CEP112: variants seen among roughly 807,000 people sequenced by gnomAD.
CEP112 encodes centrosomal protein 112, also known as centrosomal protein of 112 kDa.
A neutral mutation model predicts 153.0 loss-of-function variants in CEP112; 127 were observed. The ratio of observed to expected loss-of-function variants is 0.83; its 90% CI spans 0.72 to 0.96. The LOEUF (loss-of-function observed/expected upper bound fraction) is 0.96. Ranked by LOEUF, CEP112 falls within the 40% of genes least tolerant of loss-of-function variation. The probability of loss-of-function intolerance (pLI) is 0.00; values close to 1 mark genes in which losing one functional copy is unlikely to be tolerated. For synonymous variants in CEP112, 358 were observed against 374.4 expected, an observed-to-expected ratio of 0.96 and a Z score of 0.51; for missense variants, 1,089 against 1,101.2, an observed-to-expected ratio of 0.99 and a Z score of 0.16.
rs191407611 is a variant in CEP112 at position 66,088,271 on chromosome 17, A to T, written c.768+7980T>A. Among the ~76,000 whole-genome samples the T allele has an allele frequency of 7.6e-4, 115 of 151,968 alleles. 2 individuals are homozygous for T. The South Asian group carries it at 8.5e-3, about 11-fold the overall frequency. On this transcript the variant is annotated intron_variant, in intron 8 of 26. Transcript: ENST00000535342. ...TAGGCCTAATTTGGCACAATGCAAG[A>T]TCCCACAGCCCCAGGTTCCAAAGCC...
intron 21 of CEP112, among the ~76,000 whole-genome samples, chr17:65,758,138 T>C (rs982908521): frequency 6.6e-6 from 1 of 152,118 alleles, no homozygotes; most frequent in Non-Finnish European, 1.5e-5. Flanking sequence ...CTGCTCTATT[T>C]TTATTATTTC....
At chr17:65,900,843 G>C (rs535319593) in intron 20 of CEP112, among the ~76,000 whole-genome samples, 3 of 152,172 alleles carry the variant, frequency 2.0e-5, no homozygotes, top group African/African-American at 7.2e-5. Flanking sequence ...GATTTAACAG[G>C]AACCACCTAA....
At chr17:65,888,783 C>T (rs193196931) in intron 20 of CEP112, among the ~76,000 whole-genome samples, 57 of 152,260 alleles carry the variant, frequency 3.7e-4, no homozygotes, top group Middle Eastern at 6.8e-3. Flanking sequence ...ATTCTTAAAA[C>T]CGAGTGACTC....
At chr17:65,976,735 CTTTTTTTTTTT>C in intron 17 of CEP112, among the ~76,000 whole-genome samples, 2 of 85,344 alleles carry the variant, frequency 2.3e-5, no homozygotes, top group African/African-American at 1.1e-4. Flanking sequence ...ATAACTTTTT[CTTTTTTTTTTT>C]TTTTTTTTGA....
chr17:66,138,555 G>A lies in CEP112; in HGVS notation c.471-5792C>T, dbSNP rs183268426. Among the ~76,000 whole-genome samples, 526 of 152,130 alleles carry A rather than the reference G, an allele frequency of 3.5e-3. 2 individuals are homozygous for A. Among genetic ancestry groups the A allele is most frequent in the South Asian group, 6.2e-3 (30 of 4,822 alleles). The stretch of plus-strand genomic sequence containing the variant: ...TACAGAATATTAAAAGGTGAAAATC[G>A]GGACATTAATAACAAAGTGTGTGAG... On this transcript the variant is annotated intron_variant, in intron 4 of 26. Transcript: ENST00000535342.
intron 20 of CEP112, among the ~76,000 whole-genome samples, chr17:65,894,553 A>C: frequency 6.6e-6 from 1 of 152,240 alleles, no homozygotes; most frequent in East Asian, 1.9e-4. Flanking sequence ...TTCATTCTAT[A>C]AAATGAATGG....
At chr17:65,674,232 A>C (rs1482002506) in intron 24 of CEP112, among the ~76,000 whole-genome samples, 1 of 152,242 alleles carries the variant, frequency 6.6e-6, no homozygotes, top group Non-Finnish European at 1.5e-5. Flanking sequence ...TTAGCAATAA[A>C]TGTGATCAAG....
At chr17:66,085,120 A>T (rs1250647878) in intron 8 of CEP112, among the ~76,000 whole-genome samples, 1 of 152,216 alleles carries the variant, frequency 6.6e-6, no homozygotes, top group Non-Finnish European at 1.5e-5. Flanking sequence ...ACAAAATGGA[A>T]AAAGAGGCAT....
At chr17:65,931,952 A>G (rs1298285667) in intron 18 of CEP112, among the ~76,000 whole-genome samples, 3 of 152,188 alleles carry the variant, frequency 2.0e-5, no homozygotes, top group Admixed American at 6.5e-5. Context: ...AGACCTTGAC[A>G]GCATTGGAGT....
At chr17:66,046,908 T>C (rs1821369536) in intron 12 of CEP112, among the ~76,000 whole-genome samples, 1 of 152,110 alleles carries the variant, frequency 6.6e-6, no homozygotes, top group African/African-American at 2.4e-5. Context: ...AGAATTTTCC[T>C]CTACCAGAAC....
chr17:65,951,749 C>CCCCCCCCCCCCCG (rs71160510), intron 18 of CEP112, among the ~76,000 whole-genome samples: 1 of 106,142 alleles, frequency 9.4e-6, no homozygotes, highest in South Asian at 3.6e-4. Flanking sequence ...CCCCGCCCCC[C>CCCCCCCCCCCCCG]CCTTTCTTCC....
chr17:66,012,070 T>G (rs1216755893), intron 16 of CEP112, among the ~76,000 whole-genome samples: 1 of 152,194 alleles, frequency 6.6e-6, no homozygotes, highest in Non-Finnish European at 1.5e-5. Context: ...TCCATTTGCT[T>G]GGTATATTTC....
chr17:66,170,007 T>G (rs2072176029), intron 4 of CEP112, among the ~76,000 whole-genome samples: 1 of 152,318 alleles, frequency 6.6e-6, no homozygotes. Flanking sequence ...CTTGTGTGGA[T>G]GTCAGCAGCA....
At chr17:65,970,211 GCATGCATATACCATGCATA>G (rs2144916030) in intron 17 of CEP112, among the ~76,000 whole-genome samples, 1 of 110,360 alleles carries the variant, frequency 9.1e-6, no homozygotes, top group East Asian at 1.0e-3. Flanking sequence ...TGCATGTCAT[GCATGCATATACCATGCATA>G]TATGCATGTA....
chr17:65,638,813 C>A (rs150541429), intron 25 of CEP112, among the ~76,000 whole-genome samples: 1 of 152,250 alleles, frequency 6.6e-6, no homozygotes, highest in East Asian at 1.9e-4. Flanking sequence ...GGGTCAGCAT[C>A]CAGTTTTAGG....
At chr17:65,710,056 C>T (rs2049098277) in intron 23 of CEP112, among the ~76,000 whole-genome samples, 1 of 152,188 alleles carries the variant, frequency 6.6e-6, no homozygotes, top group African/African-American at 2.4e-5. Context: ...AGCATCAGAG[C>T]CTACATCTTA....
chr17:66,190,777 A>T (rs371125975), intron 1 of CEP112, among the ~76,000 whole-genome samples: 7 of 152,184 alleles, frequency 4.6e-5, no homozygotes, highest in African/African-American at 1.7e-4. Context: ...CCCTACAGTC[A>T]GCAAACATAA....
chr17:65,716,441 G>A (rs232100), intron 23 of CEP112, among the ~76,000 whole-genome samples: 31,629 of 152,004 alleles, frequency 0.21, 3,947 homozygotes, highest in Middle Eastern at 0.38. Flanking sequence ...GATTACAGGC[G>A]TCAGCCACTG....
At chr17:65,975,898 T>A (rs929393827) in intron 17 of CEP112, among the ~76,000 whole-genome samples, 4 of 152,234 alleles carry the variant, frequency 2.6e-5, no homozygotes, top group South Asian at 4.1e-4. Flanking sequence ...ATACCTATCG[T>A]AATTTTTTCT....
Sources: gnomAD v4.1 joint callset for allele counts (sites outside exome capture counted in the v4.1 genomes callset) on GRCh38, gnomAD v4.1.1 for gene constraint, MANE v1.5 for transcripts, NCBI Gene and HGNC (gene_info 2026-07-23, HGNC 2026-07-21) for gene names.